INPP4B: variants seen among roughly 807,000 people sequenced by gnomAD.
INPP4B encodes the protein inositol polyphosphate 4-phosphatase type II.
INPP4B carries 55 observed loss-of-function variants against 122.5 expected under a neutral mutation model. The ratio of observed to expected loss-of-function variants is 0.45; its 90% confidence interval spans 0.36 to 0.56. The LOEUF is 0.56. INPP4B is among the 20% of genes least tolerant of loss of function. INPP4B has a pLI of 0.00. For synonymous variants in INPP4B, 403 were observed against 388.7 expected (o/e 1.04, Z -0.43); for missense variants, 1,000 against 1,097.7 (o/e 0.91, Z 1.26).
rs886783227 is a variant in INPP4B at position 142,383,905 on chromosome 4, G to A, written c.372+19033C>T. The stretch of plus-strand genomic sequence containing the variant: ...ACAGGTGTGAGCTTATTATTCATGT[G>A]ACCTCTCTGCATGTCCAGCTATTTC... On this transcript the variant is annotated intron_variant, in intron 7 of 25. Transcript: ENST00000262992. 7.0e-6 allele frequency: 4 copies of A among 568,246 alleles called. No individual in the cohort carries two copies. In the African/African-American group the frequency reaches 7.5e-5, roughly 11 times the overall value. 35.2% of individuals were successfully genotyped at this position (568,246 alleles called of 1,614,324 possible).
At chr4:142,830,012 G>A (rs1781928836) in intron 1 of INPP4B, among the ~76,000 whole-genome samples, 1 of 152,098 alleles carries the variant, frequency 6.6e-6, no homozygotes. Flanking sequence ...ACAGGATGTA[G>A]AGGACCTTTC....
At chr4:142,141,512 T>C (rs1194849982) in intron 18 of INPP4B, among the ~76,000 whole-genome samples, 1 of 152,098 alleles carries the variant, frequency 6.6e-6, no homozygotes, top group Non-Finnish European at 1.5e-5. Context: ...ACCACATAAA[T>C]ATATATAAAC....
intron 16 of INPP4B, among the ~76,000 whole-genome samples, chr4:142,165,095 A>C (rs1001704764): frequency 1.3e-5 from 2 of 151,690 alleles, no homozygotes; most frequent in African/African-American, 2.4e-5. Flanking sequence ...ATCCATCTCT[A>C]TCCATCTCCT....
chr4:142,429,261 T>G (rs1292900398), intron 4 of INPP4B, 44 bp from the exon 5 acceptor site: 1 of 982,188 alleles, frequency 1.0e-6, no homozygotes, highest in Non-Finnish European at 1.6e-6. Flanking sequence ...AAAATTGAAT[T>G]ATCAAGAATA....
chr4:142,381,339 C>T (rs181180425), intron 7 of INPP4B, among the ~76,000 whole-genome samples: 1 of 152,186 alleles, frequency 6.6e-6, no homozygotes, highest in Admixed American at 6.5e-5. Context: ...TAATAAAAGA[C>T]AAAGCATTTT....
At chr4:142,207,246 T>G (rs964190797) in intron 14 of INPP4B, among the ~76,000 whole-genome samples, 3 of 152,190 alleles carry the variant, frequency 2.0e-5, no homozygotes, top group Non-Finnish European at 4.4e-5. Context: ...CTGCAATGAA[T>G]GTGGGAGTGC....
chr4:142,234,462 G>A (rs1228392227), intron 12 of INPP4B, among the ~76,000 whole-genome samples: 2 of 152,004 alleles, frequency 1.3e-5, no homozygotes, highest in Non-Finnish European at 2.9e-5. Context: ...TACAATAACT[G>A]TATCTTCTTA....
chr4:142,376,216 T>C (rs1278591979), intron 7 of INPP4B, among the ~76,000 whole-genome samples: 2 of 152,000 alleles, frequency 1.3e-5, no homozygotes, highest in African/African-American at 4.8e-5. Flanking sequence ...AACTTTCAAT[T>C]AGTGGAAATA....
At chr4:142,727,290 A>C (rs998898225) in intron 1 of INPP4B, among the ~76,000 whole-genome samples, 18 of 152,168 alleles carry the variant, frequency 1.2e-4, no homozygotes, top group African/African-American at 4.1e-4. Context: ...ATTGTGATAT[A>C]CTTCAAGACT....
At chr4:142,457,853 C>T (rs1815807749) in intron 3 of INPP4B, among the ~76,000 whole-genome samples, 1 of 152,142 alleles carries the variant, frequency 6.6e-6, no homozygotes, top group African/African-American at 2.4e-5. Context: ...ACCTTGGCCT[C>T]CCAAAGTGTT....
intron 7 of INPP4B, among the ~76,000 whole-genome samples, chr4:142,350,079 A>T (rs559975864): frequency 6.6e-6 from 1 of 151,980 alleles, no homozygotes; most frequent in Admixed American, 6.6e-5. Context: ...TTAGAATGCA[A>T]TAAGACATAA....
rs2150566540 is a variant in INPP4B at position 142,270,698 on chromosome 4, C to T, written c.580G>A (p.Ala194Thr). The T allele has an allele frequency of 1.2e-6, 2 of 1,611,590 alleles. No homozygotes were observed. The highest frequency in any genetic ancestry group is 1.7e-6 in the Non-Finnish European group (2 of 1,177,750). ...TGTACATCTGTGGTGATGTGGTCGG[C>T]TTCCCCATCCTCAATCTCCCCCATC... Reference protein sequence around the residue: ...VKMGEIEDGEADHITTDVQGQ... With the variant: ...VKMGEIEDGETDHITTDVQGQ... Residue 194 changes from alanine (A) to threonine (T), a missense_variant, in exon 10 of 26, where the codon GCC becomes ACC. By Grantham distance (58) the Ala-to-Thr change is moderately conservative. Transcript: ENST00000262992.
At chr4:142,653,225 A>G (rs1469824961) in intron 2 of INPP4B, among the ~76,000 whole-genome samples, 1 of 152,214 alleles carries the variant, frequency 6.6e-6, no homozygotes, top group Non-Finnish European at 1.5e-5. Context: ...ACTGAATTTG[A>G]GATGGATTAA....
At chr4:142,260,135 C>T (rs1739101920) in intron 11 of INPP4B, among the ~76,000 whole-genome samples, 1 of 152,130 alleles carries the variant, frequency 6.6e-6, no homozygotes, top group African/African-American at 2.4e-5. Context: ...CAGGCACGGG[C>T]CACCATGCCC....
At chr4:142,135,392 C>T (rs183634594) in intron 18 of INPP4B, among the ~76,000 whole-genome samples, 5 of 152,050 alleles carry the variant, frequency 3.3e-5, no homozygotes, top group Admixed American at 6.5e-5. Flanking sequence ...GAATTTATCA[C>T]ATTTTAGCAA....
chr4:142,192,333 TAA>T (rs71586265), intron 15 of INPP4B, among the ~76,000 whole-genome samples: 5 of 8,956 alleles, frequency 5.6e-4, no homozygotes, highest in Non-Finnish European at 1.6e-3. Context: ...AATCTAAAAG[TAA>T]AAAAAAAAAA....
chr4:142,321,343 T>A (rs1054278986), intron 7 of INPP4B, among the ~76,000 whole-genome samples: 4 of 152,220 alleles, frequency 2.6e-5, no homozygotes, highest in Non-Finnish European at 4.4e-5. Flanking sequence ...CTTGAGTTCC[T>A]TGTAAATTCT....
At chr4:142,310,799 G>T (rs1765250297) in intron 8 of INPP4B, among the ~76,000 whole-genome samples, 1 of 151,308 alleles carries the variant, frequency 6.6e-6, no homozygotes, top group South Asian at 2.1e-4. Flanking sequence ...AAAAATAATT[G>T]GGAAGAAATC....
intron 2 of INPP4B, among the ~76,000 whole-genome samples, chr4:142,585,611 G>A (rs115315926): frequency 0.014 from 2,138 of 152,172 alleles, 39 homozygotes; most frequent in African/African-American, 0.041. Flanking sequence ...ACTGTTGGAG[G>A]AAGTCCAGCA....
Sources: allele counts gnomAD v4.1 joint callset (sites outside exome capture counted in the v4.1 genomes callset), GRCh38; gene constraint gnomAD v4.1.1; transcripts MANE v1.5; gene names NCBI Gene and HGNC (gene_info 2026-07-23, HGNC 2026-07-21).